SI: variants seen among roughly 807,000 people sequenced by gnomAD.
SI encodes the protein sucrase-isomaltase.
SI carries 235 observed loss-of-function variants against 253.3 expected under a neutral mutation model. The ratio of observed to expected loss-of-function variants is 0.93; its 90% CI spans 0.83 to 1.03. The LOEUF (loss-of-function observed/expected upper bound fraction) is 1.03. SI is among the 50% of genes least tolerant of loss of function. The pLI is 0.00. For synonymous variants in SI, 819 were observed against 712.0 expected (o/e 1.15, Z -2.39); for missense variants, 2,442 against 2,211.1 (o/e 1.10, Z -2.09).
chr3:165,038,097 G>C, intron 20 of SI, 73 bp from the exon 21 acceptor site: 3 of 1,377,498 alleles, frequency 2.2e-6, no homozygotes, highest in Non-Finnish European at 1.0e-6. Context: ...AGAATTAAAA[G>C]GCATTTTTAT....
rs774813451 is a variant in SI, at chr3:165,021,360, T to C, written c.3123A>G (p.Arg1041=). Residue 1041 remains arginine, a synonymous_variant, in exon 27 of 48, where the codon AGA becomes AGG. Coordinates refer to ENST00000264382, the MANE Select transcript of SI (RefSeq NM_001041.4). The part of the protein sequence containing the change: ...QFKIYDPQKK[R]YEVPVPLNIP... ...TGTTTAACGGTACTGGTACTTCATATCTCTTCTTTTGGGGATCATAAATCT... is the reference window on the plus strand; with the variant it reads ...TGTTTAACGGTACTGGTACTTCATACCTCTTCTTTTGGGGATCATAAATCT... The C allele has an allele frequency of 6.2e-7, 1 of 1,610,528 alleles. No homozygotes were observed. Among genetic ancestry groups the C allele is most frequent in the Non-Finnish European group, 8.5e-7 (1 of 1,177,420 alleles).
chr3:165,002,292 G>C (rs1230369293), intron 37 of SI, among the ~76,000 whole-genome samples: 3 of 151,668 alleles, frequency 2.0e-5, no homozygotes, highest in Non-Finnish European at 4.4e-5. Context: ...CAAGAGATGA[G>C]AGCAATTGAA....
intron 15 of SI, 134 bp downstream of exon 15, chr3:165,048,993 T>A (rs573717812): frequency 2.3e-4 from 160 of 682,466 alleles, no homozygotes; most frequent in Admixed American, 6.1e-4. Flanking sequence ...ATGCCATAAC[T>A]TTTTAGCAGG....
intron 37 of SI, among the ~76,000 whole-genome samples, 194 bp downstream of exon 37, chr3:165,006,622 C>T (rs1275676031): frequency 6.6e-6 from 1 of 151,720 alleles, no homozygotes; most frequent in Admixed American, 6.6e-5. Context: ...AGAATAATAA[C>T]AATAAAGATA....
At chr3:165,083,661 A>T in the SI span, among the ~76,000 whole-genome samples, 1 of 152,050 alleles carries the variant, frequency 6.6e-6, no homozygotes, top group Non-Finnish European at 1.5e-5. Context: ...ATTATGAATT[A>T]TAATAATAAA....
At chr3:165,015,327 A>C in intron 32 of SI, 94 bp from the exon 33 acceptor site, 1 of 797,740 alleles carries the variant, frequency 1.3e-6, no homozygotes, top group East Asian at 2.6e-5. Context: ...TTACTACATT[A>C]TCATAATAAT....
chr3:165,004,333 G>A (rs941831676), intron 37 of SI, among the ~76,000 whole-genome samples: 7 of 152,122 alleles, frequency 4.6e-5, no homozygotes, highest in African/African-American at 1.4e-4. Context: ...AAAAGGTAAT[G>A]CTCTTTCGCT....
intron 38 of SI, 62 bp downstream of exon 38, chr3:164,998,478 A>G (rs1718117165): frequency 6.4e-7 from 1 of 1,550,924 alleles, no homozygotes; most frequent in South Asian, 1.1e-5. Flanking sequence ...ACCTAGCACC[A>G]GCAAAAGTGA....
intron 37 of SI, among the ~76,000 whole-genome samples, chr3:165,002,114 A>G (rs948987812): frequency 1.2e-4 from 18 of 151,616 alleles, no homozygotes; most frequent in Admixed American, 3.3e-4. Flanking sequence ...CTAATCCCTA[A>G]CATCTTTAAA....
intron 37 of SI, among the ~76,000 whole-genome samples, chr3:165,001,810 T>TA (rs911269000): frequency 2.7e-4 from 41 of 151,154 alleles, no homozygotes; most frequent in African/African-American, 9.4e-4. Flanking sequence ...TTTTGTTTAT[T>TA]AAAAAAAATA....
At chr3:165,017,398 T>A in intron 31 of SI, 150 bp downstream of exon 31, 1 of 676,124 alleles carries the variant, frequency 1.5e-6, no homozygotes, top group Non-Finnish European at 2.5e-6. Flanking sequence ...AAAGACACTG[T>A]TTATAAATCT....
At chr3:165,089,517 G>A in the SI span, among the ~76,000 whole-genome samples, 2 of 152,158 alleles carry the variant, frequency 1.3e-5, no homozygotes, top group African/African-American at 4.8e-5. Context: ...GAGATTCTGA[G>A]GGTGGGGAGC....
In SI at chr3:165,043,147, G is replaced by A. The variant is rs1712934716; in HGVS notation, c.1916C>T (p.Ala639Val). 1.9e-6 allele frequency: 3 copies of A among 1,611,320 alleles called. No individual in the cohort carries two copies. Among genetic ancestry groups the A allele is most frequent in the Non-Finnish European group, 2.5e-6 (3 of 1,178,104 alleles). Residue 639 changes from alanine to valine, a missense_variant, in exon 17 of 48, where the codon GCT (alanine) becomes GTT (valine). Physicochemically the swap from Ala to Val is moderately conservative, Grantham distance 64 (BLOSUM62 0). Transcript: ENST00000264382. ...TCTGCAAAGTTCTTCTGTGGTTTCA[G>A]CCACAAATCCACAGATGTCTGCTCC... ...LVGADICGFVAETTEELCRRW... is the reference protein window; with the variant it reads ...LVGADICGFVVETTEELCRRW...
At chr3:165,069,773 A>G (rs1407072810) in intron 3 of SI, among the ~76,000 whole-genome samples, 1 of 151,948 alleles carries the variant, frequency 6.6e-6, no homozygotes, top group East Asian at 1.9e-4. Flanking sequence ...TTTATTAACC[A>G]TATGGAAATA....
intron 25 of SI, among the ~76,000 whole-genome samples, chr3:165,029,920 C>T (rs557917001): frequency 6.7e-6 from 1 of 150,350 alleles, no homozygotes; most frequent in East Asian, 2.0e-4. Context: ...CTTCCCTATT[C>T]TTCACTAGTG....
chr3:164,990,999 A>G (rs1011754374), intron 44 of SI, among the ~76,000 whole-genome samples: 2 of 151,942 alleles, frequency 1.3e-5, no homozygotes, highest in African/African-American at 4.8e-5. Context: ...TTTTTTTTGA[A>G]GCAAATAATG....
At chr3:165,072,492 G>A (rs1271631475) in intron 3 of SI, among the ~76,000 whole-genome samples, 1 of 151,604 alleles carries the variant, frequency 6.6e-6, no homozygotes, top group East Asian at 1.9e-4. Context: ...ATCTCCTAAA[G>A]CAAAAAAAGG....
chr3:165,041,442 G>A (rs951977049), intron 17 of SI, among the ~76,000 whole-genome samples: 2 of 151,924 alleles, frequency 1.3e-5, no homozygotes, highest in African/African-American at 4.8e-5. Context: ...ATCCCTACCA[G>A]TGAAGGTGGA....
At chr3:165,026,409 G>C (rs1285001214) in intron 25 of SI, among the ~76,000 whole-genome samples, 1 of 151,174 alleles carries the variant, frequency 6.6e-6, no homozygotes, top group Non-Finnish European at 1.5e-5. Flanking sequence ...TCCACTGATA[G>C]TACTAGACAG....
Sources: gnomAD v4.1 joint callset for allele counts (sites outside exome capture counted in the v4.1 genomes callset) on GRCh38, gnomAD v4.1.1 for gene constraint, MANE v1.5 for transcripts, NCBI Gene and HGNC (gene_info 2026-07-23, HGNC 2026-07-21) for gene names.